SLIT1: variants seen among roughly 807,000 people sequenced by gnomAD.
SLIT1 encodes slit homolog 1 protein.
Under a neutral mutation model 186.1 loss-of-function variants are expected in SLIT1, and 66 were observed. The observed-to-expected ratio is 0.35, with a 90% CI of 0.29 to 0.44. The LOEUF (loss-of-function observed/expected upper bound fraction) is 0.44. Ranked by LOEUF, SLIT1 falls within the 20% of genes least tolerant of loss-of-function variation. SLIT1 has a pLI of 1.00. For missense variants in SLIT1, 1,638 were observed against 2,037.4 expected (o/e 0.80, Z 3.77); for synonymous variants, 761 against 833.8 (o/e 0.91, Z 1.50).
chr10:97,115,629 C>G (rs143876063), intron 4 of SLIT1, among the ~76,000 whole-genome samples: 25 of 152,214 alleles, frequency 1.6e-4, no homozygotes, highest in Admixed American at 3.9e-4. Context: ...CATCCTGACC[C>G]CTGAGTCCCT....
chr10:97,168,573 G>C (rs1448457988), intron 1 of SLIT1, among the ~76,000 whole-genome samples: 1 of 152,148 alleles, frequency 6.6e-6, no homozygotes, highest in Non-Finnish European at 1.5e-5. Context: ...ATTATGATTG[G>C]CCATAAAGTG....
In SLIT1 at chr10:97,030,503, G is replaced by A. The variant is rs551703729; in HGVS notation, c.2582+254C>T. 1.3e-4 allele frequency among the ~76,000 whole-genome samples: 20 copies of A among 152,318 alleles called. No homozygotes were observed. In the South Asian group the frequency reaches 2.5e-3, roughly 19 times the overall value. On this transcript the variant is annotated intron_variant, in intron 25 of 36. Transcript: ENST00000266058. ...GAGGCGCACATTAGCTGAGGCAGGC[G>A]AAGTGCACAGCAATCGATCAATGGT...
rs947344361 is a variant in SLIT1 at position 97,021,833 on chromosome 10, G to A, written c.2583-420C>T. Among the ~76,000 whole-genome samples, 2 of 152,178 alleles carry A rather than the reference G, an allele frequency of 1.3e-5. No individual in the cohort carries two copies. The highest frequency in any genetic ancestry group is 2.9e-5 in the Non-Finnish European group (2 of 68,036). ...TCACCTCAGCCTCCCAAAGTGCTGG[G>A]ATTACAGGCGTGAGCCACCGTGCCT... On this transcript the variant is annotated intron_variant, in intron 25 of 36. Transcript: ENST00000266058. This position sits in a 1 kb window ranked among gnomAD's most constrained non-coding sequence, Gnocchi z 4.5.
intron 4 of SLIT1, among the ~76,000 whole-genome samples, chr10:97,141,353 G>A (rs1277421998): frequency 1.3e-5 from 2 of 152,108 alleles, no homozygotes; most frequent in Non-Finnish European, 2.9e-5. Flanking sequence ...ATTACTCTCA[G>A]GGTTCCTCTA....
chr10:97,051,261 C>CA (rs5787214), intron 13 of SLIT1, among the ~76,000 whole-genome samples: 13,532 of 147,872 alleles, frequency 0.092, 901 homozygotes, highest in African/African-American at 0.19. Context: ...AATCAAAATG[C>CA]AAAAAAAAAA....
intron 16 of SLIT1, among the ~76,000 whole-genome samples, 196 bp downstream of exon 16, chr10:97,047,494 G>A: frequency 6.6e-6 from 1 of 152,218 alleles, no homozygotes; most frequent in East Asian, 1.9e-4. Context: ...TGATGGGTGA[G>A]GGGGGCTGTG....
chr10:97,092,021 T>A (rs1290126399), intron 4 of SLIT1, among the ~76,000 whole-genome samples: 1 of 152,228 alleles, frequency 6.6e-6, no homozygotes. Context: ...TCTTCTTACA[T>A]TTATCTCAAG....
chr10:97,018,078 A>G (rs1848469541), intron 28 of SLIT1, among the ~76,000 whole-genome samples: 1 of 151,870 alleles, frequency 6.6e-6, no homozygotes, highest in Non-Finnish European at 1.5e-5. Flanking sequence ...CAAACTCCTG[A>G]CCTCGTGATC....
chr10:97,002,315 G>A lies in SLIT1; in HGVS notation c.4209C>T (p.Cys1403=), dbSNP rs771866122. 5 of 1,611,560 alleles carry A rather than the reference G, an allele frequency of 3.1e-6. No homozygotes were observed. Among genetic ancestry groups the A allele is most frequent in the Non-Finnish European group, 4.2e-6 (5 of 1,179,476 alleles). ...ACAGTGCCCCCGAGTACCCATCCTG[G>A]CACTGGCAGCTGTAGGAAAGAGCGT... ...PLDALSYSCQ[C]QDGYSGALCN... Residue 1403 remains cysteine, a synonymous_variant, in exon 36 of 37, where the codon TGC becomes TGT. Transcript: ENST00000266058.
chr10:97,121,346 T>C lies in SLIT1; in HGVS notation c.413+36472A>G, dbSNP rs372595017. On this transcript the variant is annotated intron_variant, in intron 4 of 36. Coordinates refer to ENST00000266058, the MANE Select transcript of SLIT1 (RefSeq NM_003061.3). ...TGGGAAATCTCTCACCAGGACGAGC[T>C]GATCTGTCTACTCTGCTCTTAGAGC... 6.6e-5 allele frequency among the ~76,000 whole-genome samples: 10 copies of C among 152,310 alleles called. No individual in the cohort carries two copies. The South Asian group carries it at 1.0e-3, about 16-fold the overall frequency.
In SLIT1 at chr10:97,022,360, T is replaced by A. The variant is rs1431702521; in HGVS notation, c.2583-947A>T. Among the ~76,000 whole-genome samples the A allele has an allele frequency of 6.6e-6, 1 of 152,240 alleles. No homozygotes were observed. The highest frequency in any genetic ancestry group is 6.5e-5 in the Admixed American group (1 of 15,282). On this transcript the variant is annotated intron_variant, in intron 25 of 36. Transcript: ENST00000266058. This position sits in a 1 kb window ranked among gnomAD's most constrained non-coding sequence, Gnocchi z 4.2. ...TCTCATTGTCAGCCACTTTCAAGCA[T>A]TGCAGACAAAGCAAGTGTCTGCCCT...
Position 97,014,011 on chromosome 10 carries a change from G to A in SLIT1, c.3109+8C>T, listed in dbSNP as rs367956032. 5.6e-5 allele frequency: 91 copies of A among 1,612,552 alleles called. No homozygotes were observed. Among genetic ancestry groups the A allele is most frequent in the Non-Finnish European group, 7.3e-5 (86 of 1,179,904 alleles). On this transcript the variant is annotated splice_region_variant and intron_variant, in intron 29 of 36. Coordinates refer to ENST00000266058, the MANE Select transcript of SLIT1 (RefSeq NM_003061.3). Reference sequence around the variant, plus strand: ...CTCCCCCAGACACTGCTGCCCTGACGCACTTACCCTCATACTGCAGGGGGC... The same window carrying A: ...CTCCCCCAGACACTGCTGCCCTGACACACTTACCCTCATACTGCAGGGGGC...
At position 97,031,723 on chromosome 10, in the gene SLIT1, C is replaced by T. The variant is rs1251656027; in HGVS notation, c.2439-46G>A. 4 of 1,471,040 alleles carry T rather than the reference C, an allele frequency of 2.7e-6. No individual in the cohort carries two copies. In the African/African-American group the frequency reaches 5.6e-5, roughly 21 times the overall value. The allele number at this position is 1,471,040 out of a possible 1,614,324, so 91.1% of individuals were successfully genotyped here. A position where few individuals can be genotyped will look rare whatever the true frequency, so the allele number is the denominator to read the frequency against. ...GGAAGGGCACTGTGTTAGTGCCTGG[C>T]CCCTGTGGGCACAGCCGCCGCCCAG... On this transcript the variant is annotated intron_variant, in intron 23 of 36. Transcript: ENST00000266058.
At chr10:97,038,965 G>A (rs558570597) in intron 21 of SLIT1, among the ~76,000 whole-genome samples, 2 of 152,236 alleles carry the variant, frequency 1.3e-5, no homozygotes, top group East Asian at 3.9e-4. Flanking sequence ...TTATTCTCAG[G>A]GCTGCTAGGA....
chr10:97,040,214 CAGA>C lies in SLIT1; in HGVS notation c.2165-97_2165-95del. 7.8e-6 allele frequency: 10 copies of C among 1,288,360 alleles called. No homozygotes were observed. In the South Asian group the frequency reaches 1.6e-4, roughly 21 times the overall value. The allele number at this position is 1,288,360 out of a possible 1,614,324, so 79.8% of individuals were successfully genotyped here. On this transcript the variant is annotated intron_variant, in intron 20 of 36. Coordinates refer to ENST00000266058, the MANE Select transcript of SLIT1 (RefSeq NM_003061.3). ...GGCCATGCTCTGGGGCCTCTCAGAA[CAGA>C]AGACCCCTCTGACAGTACCTTGGCC...
intron 31 of SLIT1, among the ~76,000 whole-genome samples, chr10:97,007,481 A>C (rs1196503384): frequency 6.6e-6 from 1 of 152,198 alleles, no homozygotes; most frequent in Admixed American, 6.5e-5. Context: ...AAGACATCAC[A>C]ACAAAAGATA....
At position 97,014,168 on chromosome 10, in the gene SLIT1, G is replaced by T; in HGVS notation, c.2970-10C>A. On this transcript the variant is annotated splice_polypyrimidine_tract_variant and intron_variant, in intron 28 of 36. Transcript: ENST00000266058. Reference sequence around the variant, plus strand: ...GGTGGGACAGGAGCACCTGTGCGGGGAAGGGGAGGATGGAGAGACAGCCCT... The same window carrying T: ...GGTGGGACAGGAGCACCTGTGCGGGTAAGGGGAGGATGGAGAGACAGCCCT... 2 of 1,612,914 alleles carry T rather than the reference G, an allele frequency of 1.2e-6. No individual in the cohort carries two copies. Among genetic ancestry groups the T allele is most frequent in the South Asian group, 1.1e-5 (1 of 91,078 alleles).
chr10:97,119,296 C>A (rs1265244439), intron 4 of SLIT1, among the ~76,000 whole-genome samples: 1 of 152,198 alleles, frequency 6.6e-6, no homozygotes, highest in African/African-American at 2.4e-5. Context: ...CTTCCCCGAT[C>A]CTCCCAGGTG....
At chr10:97,120,525 A>G (rs2784938) in intron 4 of SLIT1, among the ~76,000 whole-genome samples, 70,435 of 152,098 alleles carry the variant, frequency 0.46, 19,070 homozygotes, top group Non-Finnish European at 0.59. Flanking sequence ...GCCGAAACGC[A>G]GTTTCCTGAC....
Sources: gnomAD v4.1 joint callset for allele counts (sites outside exome capture counted in the v4.1 genomes callset) on GRCh38, gnomAD v4.1.1 for gene constraint, Gnocchi (gnomAD v3.1) non-coding constraint, MANE v1.5 for transcripts, NCBI Gene and HGNC (gene_info 2026-07-23, HGNC 2026-07-21) for gene names.